MICALL1: variants seen among roughly 807,000 people sequenced by gnomAD.
The protein encoded by MICALL1 is MICAL-like protein 1.
A neutral mutation model predicts 83.7 loss-of-function variants in MICALL1; 61 were observed. That is an observed-to-expected ratio of 0.73 (90% confidence interval 0.59 to 0.90). The LOEUF (loss-of-function observed/expected upper bound fraction) is 0.90, where lower values mean the gene tolerates loss of function less well. Ranked by LOEUF, MICALL1 falls within the 40% of genes least tolerant of loss-of-function variation. MICALL1 has a pLI of 0.00. For missense variants in MICALL1, 1,066 were observed against 1,152.0 expected (o/e 0.93, Z 1.08); for synonymous variants, 481 against 473.6 (o/e 1.02, Z -0.20).
intron 3 of MICALL1, among the ~76,000 whole-genome samples, chr22:37,915,346 G>A (rs1338227214): frequency 6.6e-6 from 1 of 151,972 alleles, no homozygotes; most frequent in Non-Finnish European, 1.5e-5. Context: ...GTAACACTAG[G>A]GATTAAAATA....
rs1421184906 is a variant in MICALL1 at position 37,924,989 on chromosome 22, G to T, written c.1082+272G>T. On this transcript the variant is annotated intron_variant, in intron 7 of 15. Transcript: ENST00000215957. This position sits in a 1 kb window ranked among gnomAD's most constrained non-coding sequence, Gnocchi z 5.2. ...ACCCGTTGCCTCTCCAGGCTCCTTTGCCCTGTAACATGGGAGGCCGAGGCT... is the reference window on the plus strand; with the variant it reads ...ACCCGTTGCCTCTCCAGGCTCCTTTTCCCTGTAACATGGGAGGCCGAGGCT... Among the ~76,000 whole-genome samples the T allele has an allele frequency of 6.6e-6, 1 of 152,194 alleles. No individual in the cohort carries two copies. Among genetic ancestry groups the T allele is most frequent in the African/African-American group, 2.4e-5 (1 of 41,438 alleles).
Position 37,932,769 on chromosome 22 carries a change from C to T in MICALL1, c.2144-29C>T, listed in dbSNP as rs1929867448. ...AACTGAGCCAGGCATGGCAGCCAGC[C>T]CTGGCCTCAGTGGGTATCTGGCTTC... On this transcript the variant is annotated intron_variant, in intron 11 of 15. Coordinates refer to ENST00000215957, the MANE Select transcript of MICALL1 (RefSeq NM_033386.4). This position sits in a 1 kb window ranked among gnomAD's most constrained non-coding sequence, Gnocchi z 4.4. 1 of 1,613,838 alleles carries T rather than the reference C, an allele frequency of 6.2e-7. No homozygotes were observed. The highest frequency in any genetic ancestry group is 2.2e-5 in the East Asian group (1 of 44,840).
intron 15 of MICALL1, 55 bp from the exon 16 acceptor site, chr22:37,940,654 C>T (rs1035778645): frequency 8.7e-6 from 14 of 1,602,872 alleles, no homozygotes; most frequent in African/African-American, 1.3e-5. Context: ...TCTAGCCTGC[C>T]CTGGATGTAC....
chr22:37,925,300 C>A (rs1929350647), intron 7 of MICALL1, among the ~76,000 whole-genome samples: 1 of 152,138 alleles, frequency 6.6e-6, no homozygotes, highest in South Asian at 2.1e-4. Flanking sequence ...TGCATCCTTA[C>A]ACCAACCCTG....
chr22:37,940,570 C>A, intron 15 of MICALL1, 139 bp from the exon 16 acceptor site: 1 of 1,020,616 alleles, frequency 9.8e-7, no homozygotes, highest in Non-Finnish European at 1.4e-6. Flanking sequence ...TGTCTTGTCC[C>A]TCCCAGGCTC....
intron 8 of MICALL1, chr22:37,926,991 G>T: frequency 4.6e-6 from 1 of 215,988 alleles, no homozygotes. Flanking sequence ...CATCAGCCAC[G>T]AGGAGATAAA....
chr22:37,934,573 G>T (rs955094234), intron 13 of MICALL1, among the ~76,000 whole-genome samples: 1 of 76,892 alleles, frequency 1.3e-5, no homozygotes, highest in Non-Finnish European at 3.7e-5. Flanking sequence ...TATTTATTTT[G>T]GGGGGGGGTA....
intron 3 of MICALL1, 104 bp from the exon 4 acceptor site, chr22:37,917,603 C>A: frequency 2.9e-6 from 3 of 1,019,362 alleles, no homozygotes; most frequent in Non-Finnish European, 3.0e-6. Flanking sequence ...AGGTGGTCTG[C>A]CTTTAGGTGA....
rs113103267 is a variant in MICALL1 at position 37,936,973 on chromosome 22, A to G, written c.2309-107A>G. The stretch of plus-strand genomic sequence containing the variant: ...TTCTGCGCTTAGTTTCTTGCATGGT[A>G]TTTAGCATGGGGCTGGCCTGCCGCA... On this transcript the variant is annotated intron_variant, in intron 13 of 15. Transcript: ENST00000215957. 2.7e-3 allele frequency: 2,189 copies of G among 818,174 alleles called. 38 individuals carry two copies. In the African/African-American group the frequency reaches 0.034, roughly 13 times the overall value. The allele number at this position is 818,174 out of a possible 1,614,324, so 50.7% of individuals were successfully genotyped here.
At chr22:37,908,103 GGT>G (rs1332994094) in intron 1 of MICALL1, among the ~76,000 whole-genome samples, 2 of 152,018 alleles carry the variant, frequency 1.3e-5, no homozygotes, top group Non-Finnish European at 1.5e-5. Context: ...AAGGCCGCCT[GGT>G]TTGTGTTTAG....
At chr22:37,938,975 C>T (rs1268283730) in intron 15 of MICALL1, among the ~76,000 whole-genome samples, 2 of 151,908 alleles carry the variant, frequency 1.3e-5, no homozygotes, top group South Asian at 4.1e-4. Flanking sequence ...AGGCTGGTCT[C>T]GAACTCCTGG....
At position 37,941,142 on chromosome 22, in the gene MICALL1, G is replaced by A; in HGVS notation, c.*312G>A. 3.9e-6 allele frequency: 1 copy of A among 255,440 alleles called. No individual in the cohort carries two copies. The highest frequency in any genetic ancestry group is 5.1e-5 in the South Asian group (1 of 19,674). 15.8% of individuals were successfully genotyped at this position (255,440 alleles called of 1,614,324 possible). ...GGGTCCAGGGAGGGGCGCCTGCTGAGCACTTCCGCCCCTCACCCTGCCCAG... is the reference window on the plus strand; with the variant it reads ...GGGTCCAGGGAGGGGCGCCTGCTGAACACTTCCGCCCCTCACCCTGCCCAG... On this transcript the variant is annotated 3_prime_UTR_variant, in exon 16 of 16. Coordinates refer to ENST00000215957, the MANE Select transcript of MICALL1 (RefSeq NM_033386.4).
rs1010649437 is a variant in MICALL1, at chr22:37,930,742, G to C, written c.1882-1057G>C. ...AGAGGCACGGAAGGATGCAGAGCCT[G>C]GGCTCTGGGTGTGTGGGTACTGGGC... is the stretch of plus-strand genomic sequence containing the variant. On this transcript the variant is annotated intron_variant, in intron 9 of 15. Coordinates refer to ENST00000215957, the MANE Select transcript of MICALL1 (RefSeq NM_033386.4). The surrounding 1 kb of genome is among the most constrained non-coding windows in gnomAD (Gnocchi z 4.8). Among the ~76,000 whole-genome samples, 1 of 152,182 alleles carries C rather than the reference G, an allele frequency of 6.6e-6. No homozygotes were observed. The highest frequency in any genetic ancestry group is 1.9e-4 in the East Asian group (1 of 5,178).
Position 37,922,079 on chromosome 22 carries a change from G to A in MICALL1, c.677G>A (p.Arg226Gln), listed in dbSNP as rs777153477. ...EHCARLGPGT[R>Q]SGTRPGPFSQ... is the part of the protein sequence containing the mutation. ...TGTGCCAGGCTGGGCCCGGGGACAC[G>A]GTCGGGGACCAGGCCTGGGCCCTTC... is the stretch of plus-strand genomic sequence containing the variant. Residue 226 changes from arginine to glutamine, a missense_variant, in exon 6 of 16, where the codon CGG becomes CAG. Arg to Gln is a conservative substitution (Grantham distance 43, BLOSUM62 1). Transcript: ENST00000215957. 3 of 1,613,392 alleles carry A rather than the reference G, an allele frequency of 1.9e-6. No homozygotes were observed. The highest frequency in any genetic ancestry group is 1.7e-5 in the Admixed American group (1 of 60,024).
chr22:37,928,057 C>A (rs1392968200), intron 9 of MICALL1, among the ~76,000 whole-genome samples: 1 of 152,052 alleles, frequency 6.6e-6, no homozygotes, highest in Non-Finnish European at 1.5e-5. Context: ...CAGGCGCCCA[C>A]CACCACGCCC....
chr22:37,918,581 T>G (rs1223408612), intron 4 of MICALL1, among the ~76,000 whole-genome samples: 1 of 152,228 alleles, frequency 6.6e-6, no homozygotes, highest in Non-Finnish European at 1.5e-5. Flanking sequence ...GTAGAGAAAC[T>G]GGGATTTAAA....
intron 1 of MICALL1, among the ~76,000 whole-genome samples, chr22:37,908,272 G>C (rs57051768): frequency 6.6e-6 from 1 of 151,410 alleles, no homozygotes; most frequent in Non-Finnish European, 1.5e-5. Context: ...TAGTTACTGT[G>C]AGTAACTAAT....
intron 4 of MICALL1, 77 bp from the exon 5 acceptor site, chr22:37,918,959 G>A: frequency 7.0e-7 from 1 of 1,424,408 alleles, no homozygotes; most frequent in East Asian, 2.8e-5. Flanking sequence ...GTTGGAGGGA[G>A]GGAGAGGGCA....
Position 37,924,642 on chromosome 22 carries a change from C to A in MICALL1, c.1025-18C>A. On this transcript the variant is annotated intron_variant, in intron 6 of 15. Transcript: ENST00000215957. This position sits in a 1 kb window ranked among gnomAD's most constrained non-coding sequence, Gnocchi z 5.2. Reference sequence around the variant, plus strand: ...CTGCTGCCCATGAAGGCCTGGCTCACTCTCCTTTCCCATCTAGGGAGACTG... The same window carrying A: ...CTGCTGCCCATGAAGGCCTGGCTCAATCTCCTTTCCCATCTAGGGAGACTG... 1 of 1,607,270 alleles carries A rather than the reference C, an allele frequency of 6.2e-7. No homozygotes were observed. Among genetic ancestry groups the A allele is most frequent in the South Asian group, 1.1e-5 (1 of 90,274 alleles).
Sources: gnomAD v4.1 joint callset for allele counts (sites outside exome capture counted in the v4.1 genomes callset) on GRCh38, gnomAD v4.1.1 for gene constraint, Gnocchi (gnomAD v3.1) non-coding constraint, MANE v1.5 for transcripts, NCBI Gene and HGNC (gene_info 2026-07-23, HGNC 2026-07-21) for gene names.